Variants in AFF3 observed in about 807,000 individuals in gnomAD.
AFF3 encodes ALF transcription elongation factor 3, also known as AF4/FMR2 family member 3.
In AFF3, 32 loss-of-function variants were observed where a neutral mutation model predicts 129.7. That is an observed-to-expected ratio of 0.25 (90% CI 0.19 to 0.33). The LOEUF is 0.33. Ranked by LOEUF, AFF3 falls within the 10% of genes least tolerant of loss-of-function variation. The pLI is 1.00. For synonymous variants in AFF3, 644 were observed against 635.4 expected, an observed-to-expected ratio of 1.01 and a Z score of -0.20; for missense variants, 1,373 against 1,592.0, an observed-to-expected ratio of 0.86 and a Z score of 2.34.
chr2:99,992,673 C>A (rs1559039196), intron 7 of AFF3, among the ~76,000 whole-genome samples: 1 of 152,202 alleles, frequency 6.6e-6, no homozygotes, highest in African/African-American at 2.4e-5. Context: ...AGCAATTCCA[C>A]AACTAACTAC....
At chr2:99,942,525 A>G (rs1365418772) in intron 7 of AFF3, among the ~76,000 whole-genome samples, 1 of 105,888 alleles carries the variant, frequency 9.4e-6, no homozygotes, top group East Asian at 3.2e-4. Context: ...AACTAAGATT[A>G]TGAATTAAGT....
intron 2 of AFF3, among the ~76,000 whole-genome samples, chr2:100,113,061 A>G (rs1307452104): frequency 6.6e-6 from 1 of 152,216 alleles, no homozygotes; most frequent in African/African-American, 2.4e-5. Context: ...CCATGCTGTC[A>G]TCTCTGTCAT....
intron 8 of AFF3, among the ~76,000 whole-genome samples, chr2:99,819,461 A>T (rs1438308093): frequency 6.6e-6 from 1 of 152,250 alleles, no homozygotes; most frequent in African/African-American, 2.4e-5. Flanking sequence ...TATTTTAACA[A>T]GAATAATAGC....
At chr2:99,562,729 T>C (rs760698436) in intron 20 of AFF3, among the ~76,000 whole-genome samples, 1 of 152,218 alleles carries the variant, frequency 6.6e-6, no homozygotes, top group Non-Finnish European at 1.5e-5. Flanking sequence ...CCTGGACATT[T>C]TGACCATTAG....
intron 1 of AFF3, among the ~76,000 whole-genome samples, chr2:100,130,944 C>G (rs1692407200): frequency 6.6e-6 from 1 of 152,100 alleles, no homozygotes; most frequent in Admixed American, 6.5e-5. Context: ...AACTGCAGGC[C>G]AGACAACAAT....
intron 4 of AFF3, among the ~76,000 whole-genome samples, chr2:100,013,185 G>A (rs1378619442): frequency 6.6e-6 from 1 of 152,058 alleles, no homozygotes; most frequent in Non-Finnish European, 1.5e-5. Flanking sequence ...ATCTTGTAGA[G>A]CTCCAGCCAA....
At chr2:100,059,611 T>TG (rs2105216896) in intron 4 of AFF3, among the ~76,000 whole-genome samples, 2 of 152,316 alleles carry the variant, frequency 1.3e-5, no homozygotes, top group South Asian at 4.1e-4. Context: ...ATGAGGTGTA[T>TG]GGTATGTGAA....
intron 8 of AFF3, among the ~76,000 whole-genome samples, chr2:99,812,677 G>A (rs909207562): frequency 9.2e-5 from 14 of 151,978 alleles, no homozygotes; most frequent in African/African-American, 1.9e-4. Context: ...TCCTATTAAC[G>A]GCACTATGAA....
intron 8 of AFF3, among the ~76,000 whole-genome samples, chr2:99,764,357 A>G (rs1357688911): frequency 6.6e-6 from 1 of 152,108 alleles, no homozygotes; most frequent in African/African-American, 2.4e-5. Context: ...TACAGTCTTC[A>G]CCTTAAAAGT....
chr2:99,608,882 A>T (rs1461444287), intron 13 of AFF3, among the ~76,000 whole-genome samples: 1 of 152,212 alleles, frequency 6.6e-6, no homozygotes, highest in Non-Finnish European at 1.5e-5. Context: ...TAAAGAAAAC[A>T]CACGTGGGTA....
chr2:99,852,403 C>T (rs754397925), intron 7 of AFF3, among the ~76,000 whole-genome samples: 4 of 152,074 alleles, frequency 2.6e-5, no homozygotes, highest in Admixed American at 6.5e-5. Context: ...AGAACACTCC[C>T]GGAAAAACCC....
intron 11 of AFF3, among the ~76,000 whole-genome samples, chr2:99,717,564 A>G (rs1234841543): frequency 1.3e-5 from 2 of 152,188 alleles, no homozygotes; most frequent in African/African-American, 4.8e-5. Context: ...CCATTTAAGA[A>G]ATTTATAATT....
intron 7 of AFF3, among the ~76,000 whole-genome samples, chr2:99,890,954 A>G (rs1335617783): frequency 6.6e-6 from 1 of 152,226 alleles, no homozygotes; most frequent in Non-Finnish European, 1.5e-5. Context: ...GGTGAGGCCA[A>G]CAGATCAGGA....
chr2:99,619,388 T>C (rs1168816927), intron 13 of AFF3, among the ~76,000 whole-genome samples: 2 of 152,226 alleles, frequency 1.3e-5, no homozygotes, highest in Admixed American at 6.5e-5. Flanking sequence ...GTGATCTTGT[T>C]AGCTGTCATA....
intron 15 of AFF3, among the ~76,000 whole-genome samples, chr2:99,590,305 G>A (rs563799613): frequency 1.4e-4 from 21 of 152,350 alleles, no homozygotes; most frequent in East Asian, 3.9e-4. Context: ...AGGCAGAAGC[G>A]CAGGCAGAAC....
chr2:99,969,211 G>A (rs1178224667), intron 7 of AFF3, among the ~76,000 whole-genome samples: 2 of 152,178 alleles, frequency 1.3e-5, no homozygotes, highest in African/African-American at 4.8e-5. Context: ...CCCCATGGGT[G>A]TCAGGCCACA....
intron 4 of AFF3, among the ~76,000 whole-genome samples, chr2:100,015,441 G>A (rs1163827217): frequency 6.6e-6 from 1 of 152,140 alleles, no homozygotes; most frequent in Admixed American, 6.5e-5. Flanking sequence ...AAGGCATAAG[G>A]AGGAGAGAAG....
chr2:99,670,573 CT>C (rs1216136887), intron 12 of AFF3, among the ~76,000 whole-genome samples: 1 of 151,906 alleles, frequency 6.6e-6, no homozygotes, highest in Non-Finnish European at 1.5e-5. Context: ...ACCGGCTATG[CT>C]GCTTCCGGGA....
At chr2:99,551,910 G>C (rs867428282) in intron 24 of AFF3, among the ~76,000 whole-genome samples, 1 of 152,166 alleles carries the variant, frequency 6.6e-6, no homozygotes, top group South Asian at 2.1e-4. Context: ...ACTCCTGAAC[G>C]TGAACGTGGC....
Sources: allele counts gnomAD v4.1 joint callset (sites outside exome capture counted in the v4.1 genomes callset), GRCh38; gene constraint gnomAD v4.1.1; transcripts MANE v1.5; gene names NCBI Gene and HGNC (gene_info 2026-07-23, HGNC 2026-07-21).